Variants in PPFIBP2 observed in about 807,000 individuals in gnomAD.
PPFIBP2 encodes PPFIB scaffold protein 2.
A neutral mutation model predicts 118.3 loss-of-function variants in PPFIBP2; 118 were observed. The ratio of observed to expected loss-of-function variants is 1.00; its 90% CI spans 0.86 to 1.16. The LOEUF is 1.16. PPFIBP2 is among the 50% of genes most tolerant of loss of function. PPFIBP2 has a pLI of 0.00. For missense variants in PPFIBP2, 1,195 were observed against 1,073.1 expected (o/e 1.11, Z -1.59); for synonymous variants, 414 against 397.4 (o/e 1.04, Z -0.50).
chr11:7,546,275 T>C (rs1376800247), intron 1 of PPFIBP2, among the ~76,000 whole-genome samples: 1 of 152,206 alleles, frequency 6.6e-6, no homozygotes, highest in Non-Finnish European at 1.5e-5. Context: ...TGTTTCCTTG[T>C]TTTGTATTTG....
At chr11:7,630,877 T>C (rs369743838) in intron 10 of PPFIBP2, 48 bp from the exon 11 acceptor site, 2 of 1,367,770 alleles carry the variant, frequency 1.5e-6, no homozygotes, top group Non-Finnish European at 2.1e-6. Flanking sequence ...ATTATAGGTT[T>C]CTGAACATGA....
At chr11:7,605,145 C>A (rs1847183333) in intron 5 of PPFIBP2, among the ~76,000 whole-genome samples, 1 of 152,182 alleles carries the variant, frequency 6.6e-6, no homozygotes, top group South Asian at 2.1e-4. Context: ...TGAAAGAACC[C>A]TGCAGAAAAG....
At chr11:7,642,879 G>A (rs1327561392) in intron 17 of PPFIBP2, among the ~76,000 whole-genome samples, 2 of 152,188 alleles carry the variant, frequency 1.3e-5, no homozygotes, top group Non-Finnish European at 2.9e-5. Flanking sequence ...CATCCCCTGC[G>A]GAAGGGAGTC....
the PPFIBP2 span, chr11:7,665,774 G>GCTGT: frequency 2.1e-6 from 3 of 1,439,514 alleles, no homozygotes; most frequent in East Asian, 7.5e-5. Flanking sequence ...AAGCCCTGCT[G>GCTGT]CTGTCTGTCA....
intron 3 of PPFIBP2, among the ~76,000 whole-genome samples, chr11:7,568,248 G>C (rs1461203364): frequency 1.3e-5 from 2 of 152,202 alleles, no homozygotes. Flanking sequence ...CCAGAAGACA[G>C]ACAGTCCCAG....
intron 1 of PPFIBP2, among the ~76,000 whole-genome samples, chr11:7,529,803 T>G (rs1450855283): frequency 1.3e-5 from 2 of 152,236 alleles, no homozygotes; most frequent in South Asian, 4.1e-4. Context: ...CTTGTGACCC[T>G]CGTGGAATGG....
At chr11:7,548,077 ATAATTTTAATCATGACATCT>A (rs1852528041) in intron 1 of PPFIBP2, among the ~76,000 whole-genome samples, 1 of 152,238 alleles carries the variant, frequency 6.6e-6, no homozygotes, top group South Asian at 2.1e-4. Context: ...TGCTCTCTAC[ATAATTTTAATCATGACATCT>A]ATGAGTTAGA....
At chr11:7,514,774 A>G (rs1849084128) in intron 1 of PPFIBP2, among the ~76,000 whole-genome samples, 1 of 152,230 alleles carries the variant, frequency 6.6e-6, no homozygotes. Flanking sequence ...AGATTATGTA[A>G]CAAGAGAACA....
intron 11 of PPFIBP2, among the ~76,000 whole-genome samples, chr11:7,632,114 C>T (rs1850842744): frequency 6.6e-6 from 1 of 152,234 alleles, no homozygotes; most frequent in African/African-American, 2.4e-5. Flanking sequence ...AGACACGGGA[C>T]TGTATTATTT....
intron 17 of PPFIBP2, chr11:7,648,122 G>T: frequency 2.5e-6 from 1 of 395,462 alleles, no homozygotes; most frequent in Non-Finnish European, 4.6e-6. Context: ...GATCTCAGGA[G>T]GGCCATACAG....
chr11:7,567,531 G>A (rs1321631310), intron 3 of PPFIBP2, among the ~76,000 whole-genome samples: 2 of 152,306 alleles, frequency 1.3e-5, no homozygotes, highest in African/African-American at 2.4e-5. Context: ...TATGCATGGC[G>A]AAGCAAGTAC....
chr11:7,643,263 A>G (rs548755470), intron 17 of PPFIBP2, among the ~76,000 whole-genome samples: 3 of 152,224 alleles, frequency 2.0e-5, no homozygotes, highest in Non-Finnish European at 4.4e-5. Flanking sequence ...AAATCAAGCT[A>G]TAGTAAGCTT....
intron 1 of PPFIBP2, among the ~76,000 whole-genome samples, chr11:7,519,571 T>C (rs1183369343): frequency 6.6e-6 from 1 of 152,110 alleles, no homozygotes; most frequent in Non-Finnish European, 1.5e-5. Flanking sequence ...GCCTGAGGCC[T>C]AAGGTTTGCA....
At chr11:7,554,538 A>G (rs1467709996) in intron 2 of PPFIBP2, among the ~76,000 whole-genome samples, 1 of 152,134 alleles carries the variant, frequency 6.6e-6, no homozygotes, top group Non-Finnish European at 1.5e-5. Flanking sequence ...ACAGTGCGGG[A>G]TGATTATCAC....
At chr11:7,636,371 C>G (rs1452814003) in intron 14 of PPFIBP2, among the ~76,000 whole-genome samples, 1 of 151,608 alleles carries the variant, frequency 6.6e-6, no homozygotes, top group Non-Finnish European at 1.5e-5. Flanking sequence ...TAAGGGGCTT[C>G]TCTACTCTTC....
In PPFIBP2 at chr11:7,653,720, CTTCT is replaced by C. The variant is rs1854413488; in HGVS notation, c.*508_*511del. Reference sequence around the variant, plus strand: ...TTGTGCCTTACTTCAGAGGTGGTCTCTTCTTTCTTGTAATAAAAGCAATATTTAT... The same window carrying C: ...TTGTGCCTTACTTCAGAGGTGGTCTCTTCTTGTAATAAAAGCAATATTTAT... On this transcript the variant is annotated 3_prime_UTR_variant, in exon 24 of 24. Transcript: ENST00000299492. The C allele has an allele frequency of 1.6e-6, 2 of 1,238,082 alleles. No individual in the cohort carries two copies. Among genetic ancestry groups the C allele is most frequent in the African/African-American group, 1.6e-5 (1 of 63,636 alleles). 76.7% of individuals were successfully genotyped at this position (1,238,082 alleles called of 1,614,324 possible).
chr11:7,520,084 G>A (rs146238422), intron 1 of PPFIBP2, among the ~76,000 whole-genome samples: 298 of 152,276 alleles, frequency 2.0e-3, no homozygotes, highest in African/African-American at 6.9e-3. Context: ...TTCTTGTATT[G>A]GTTCAAACCC....
rs377559650 is a variant in PPFIBP2, at chr11:7,628,778, C to T, written c.888+432C>T. Among the ~76,000 whole-genome samples the T allele has an allele frequency of 7.9e-5, 12 of 152,302 alleles. No homozygotes were observed. The East Asian group carries it at 1.9e-3, about 24-fold the overall frequency. ...ATCTTATATCCTTCGCATCTAATTT[C>T]GGCACAGTCATAAATAGCCACCTCT... On this transcript the variant is annotated intron_variant, in intron 9 of 23. Coordinates refer to ENST00000299492, the MANE Select transcript of PPFIBP2 (RefSeq NM_003621.5).
intron 6 of PPFIBP2, among the ~76,000 whole-genome samples, chr11:7,619,981 C>T (rs1367516746): frequency 6.6e-6 from 1 of 152,160 alleles, no homozygotes; most frequent in African/African-American, 2.4e-5. Flanking sequence ...GGGAGCTAGT[C>T]AGCAGGACCA....
Sources: gnomAD v4.1 joint callset for allele counts (sites outside exome capture counted in the v4.1 genomes callset) on GRCh38, gnomAD v4.1.1 for gene constraint, MANE v1.5 for transcripts, NCBI Gene and HGNC (gene_info 2026-07-23, HGNC 2026-07-21) for gene names.